USH2A: variants seen among roughly 807,000 people sequenced by gnomAD.
USH2A encodes the protein Usher syndrome 2A (autosomal recessive, mild).
USH2A carries 443 observed loss-of-function variants against 538.9 expected under a neutral mutation model. The observed-to-expected ratio is 0.82, with a 90% CI of 0.76 to 0.89. The LOEUF is 0.89. USH2A is among the 40% of genes least tolerant of loss of function. USH2A has a pLI of 0.00. For synonymous variants in USH2A, 2,413 were observed against 2,273.5 expected, an observed-to-expected ratio of 1.06 and a Z score of -1.75; for missense variants, 6,633 against 6,324.8, an observed-to-expected ratio of 1.05 and a Z score of -1.65.
At chr1:216,111,768 A>C (rs756140429) in intron 21 of USH2A, among the ~76,000 whole-genome samples, 1 of 151,010 alleles carries the variant, frequency 6.6e-6, no homozygotes, top group Non-Finnish European at 1.5e-5. Flanking sequence ...AAATTTTCAC[A>C]TAAAATTAAT....
At position 216,219,010 on chromosome 1, in the gene USH2A, G is replaced by A. The variant is rs12140686; in HGVS notation, c.2994-1460C>T. 4.5e-4 allele frequency among the ~76,000 whole-genome samples: 56 copies of A among 124,262 alleles called. 1 individual carries two copies. In the South Asian group the frequency reaches 0.01, roughly 23 times the overall value. The allele number at this position is 124,262 out of a possible 152,430, so 81.5% of individuals were successfully genotyped here. On this transcript the variant is annotated intron_variant, in intron 14 of 71. Coordinates refer to ENST00000307340, the MANE Select transcript of USH2A (RefSeq NM_206933.4). ...AATGTATGTGTGTGTGTGTGTGTGT[G>A]TATATATGTATGTGTAACTGCACCA...
At chr1:215,639,057 C>A (rs1656590925) in intron 69 of USH2A, 98 bp downstream of exon 69, 17 of 1,152,556 alleles carry the variant, frequency 1.5e-5, no homozygotes. Context: ...ATAGTCTATG[C>A]TAATATATTA....
chr1:216,200,031 C>A lies in USH2A; in HGVS notation c.3407G>T (p.Ser1136Ile). 1 of 1,613,982 alleles carries A rather than the reference C, an allele frequency of 6.2e-7. No individual in the cohort carries two copies. The highest frequency in any genetic ancestry group is 8.5e-7 in the Non-Finnish European group (1 of 1,179,980). Residue 1136 changes from serine (S) to isoleucine (I), a missense_variant, in exon 17 of 72, where the codon AGT (serine) becomes ATT (isoleucine). Ser to Ile is a moderately radical substitution (Grantham distance 142). Coordinates refer to ENST00000307340, the MANE Select transcript of USH2A (RefSeq NM_206933.4). ...TTTTGTCTTGTAAGTGACAGCTACACTCCTTGTTGAACCATGCACATTGGT... is the reference window on the plus strand; with the variant it reads ...TTTTGTCTTGTAAGTGACAGCTACAATCCTTGTTGAACCATGCACATTGGT... The part of the protein sequence containing the change: ...ETTNVHGSTR[S>I]VAVTYKTKPG...
At chr1:216,048,165 A>G (rs1048494147) in intron 31 of USH2A, among the ~76,000 whole-genome samples, 6 of 152,214 alleles carry the variant, frequency 3.9e-5, no homozygotes, top group African/African-American at 1.4e-4. Flanking sequence ...ATACTGTGCC[A>G]TACAATCAAT....
chr1:216,415,313 C>T (rs865827857), intron 3 of USH2A, among the ~76,000 whole-genome samples: 3 of 151,958 alleles, frequency 2.0e-5, no homozygotes, highest in East Asian at 3.9e-4. Context: ...CAGTTTGAGA[C>T]GTCAAGGCGG....
intron 36 of USH2A, among the ~76,000 whole-genome samples, chr1:215,967,527 T>A: frequency 6.6e-6 from 1 of 152,146 alleles, no homozygotes; most frequent in African/African-American, 2.4e-5. Context: ...AAGTTATATT[T>A]AATTTTTTAC....
chr1:216,151,232 T>C (rs1053463392), intron 21 of USH2A, among the ~76,000 whole-genome samples: 1 of 152,070 alleles, frequency 6.6e-6, no homozygotes, highest in African/African-American at 2.4e-5. Context: ...GGAGTCTGGG[T>C]ACAAGACACC....
At chr1:216,150,020 C>T (rs1485610636) in intron 21 of USH2A, among the ~76,000 whole-genome samples, 1 of 152,122 alleles carries the variant, frequency 6.6e-6, no homozygotes, top group Admixed American at 6.5e-5. Flanking sequence ...GAGCCTAATA[C>T]ATCCCTTCAT....
rs1659396222 is a variant in USH2A, at chr1:215,713,434, G to C, written c.12066+14596C>G. 2.0e-5 allele frequency among the ~76,000 whole-genome samples: 3 copies of C among 152,016 alleles called. No homozygotes were observed. The South Asian group carries it at 6.2e-4, about 32-fold the overall frequency. On this transcript the variant is annotated intron_variant, in intron 61 of 71. Coordinates refer to ENST00000307340, the MANE Select transcript of USH2A (RefSeq NM_206933.4). ...CAATAGCTTTGCTAGGCATCTCTTG[G>C]GAGTATTTTGATTTTTTTTTTAAAT...
At chr1:215,677,463 G>C (rs538036253) in intron 62 of USH2A, among the ~76,000 whole-genome samples, 1 of 152,122 alleles carries the variant, frequency 6.6e-6, no homozygotes, top group African/African-American at 2.4e-5. Context: ...GCTTTAATGA[G>C]TTGATGTCCT....
chr1:215,948,061 T>C (rs936886074), intron 37 of USH2A, among the ~76,000 whole-genome samples: 1 of 152,048 alleles, frequency 6.6e-6, no homozygotes, highest in African/African-American at 2.4e-5. Context: ...TAATTGCAAT[T>C]GCTGGGCTTC....
rs193174570 is a variant in USH2A, at chr1:215,716,886, C to T, written c.12066+11144G>A. ...CTGTCAGATTGGTCAGATTTTGTTACTCTTTGGTTGGCTTAATGGCAAGAT... is the reference window on the plus strand; with the variant it reads ...CTGTCAGATTGGTCAGATTTTGTTATTCTTTGGTTGGCTTAATGGCAAGAT... On this transcript the variant is annotated intron_variant, in intron 61 of 71. Transcript: ENST00000307340. Among the ~76,000 whole-genome samples, 7 of 152,250 alleles carry T rather than the reference C, an allele frequency of 4.6e-5. No individual in the cohort carries two copies. In the East Asian group the frequency reaches 1.4e-3, roughly 29 times the overall value.
At chr1:216,392,376 T>C (rs1188039565) in intron 3 of USH2A, among the ~76,000 whole-genome samples, 1 of 150,268 alleles carries the variant, frequency 6.7e-6, no homozygotes, top group Non-Finnish European at 1.5e-5. Flanking sequence ...GGCAGGCGCC[T>C]GTAGTCCCGG....
intron 23 of USH2A, among the ~76,000 whole-genome samples, chr1:216,087,645 A>G (rs1057224440): frequency 6.6e-6 from 1 of 152,162 alleles, no homozygotes; most frequent in African/African-American, 2.4e-5. Flanking sequence ...AAAAACAGGC[A>G]TGAGCTAGAT....
intron 36 of USH2A, 81 bp from the exon 37 acceptor site, chr1:215,965,560 C>G: frequency 6.5e-7 from 1 of 1,529,730 alleles, no homozygotes; most frequent in Non-Finnish European, 8.9e-7. Flanking sequence ...TTCAAAGAAT[C>G]TCTTTTTGCT....
At chr1:216,118,342 A>G (rs757771198) in intron 21 of USH2A, among the ~76,000 whole-genome samples, 1 of 152,166 alleles carries the variant, frequency 6.6e-6, no homozygotes, top group Non-Finnish European at 1.5e-5. Flanking sequence ...CAAAACATAA[A>G]GCTTCTAACT....
intron 21 of USH2A, among the ~76,000 whole-genome samples, chr1:216,133,854 T>C (rs1475104402): frequency 6.6e-6 from 1 of 152,146 alleles, no homozygotes; most frequent in Non-Finnish European, 1.5e-5. Flanking sequence ...AATCAGGAAA[T>C]CTCTTTTCCT....
chr1:215,882,077 C>T (rs1292103011), intron 41 of USH2A, among the ~76,000 whole-genome samples: 1 of 152,150 alleles, frequency 6.6e-6, no homozygotes, highest in African/African-American at 2.4e-5. Flanking sequence ...CTCCATCAAA[C>T]TATTTTGAAG....
At chr1:215,769,207 A>G (rs1661214935) in intron 55 of USH2A, among the ~76,000 whole-genome samples, 1 of 152,206 alleles carries the variant, frequency 6.6e-6, no homozygotes, top group African/African-American at 2.4e-5. Context: ...GCTAAAAGTA[A>G]ACAGATATTT....
Sources: gnomAD v4.1 joint callset for allele counts (sites outside exome capture counted in the v4.1 genomes callset) on GRCh38, gnomAD v4.1.1 for gene constraint, MANE v1.5 for transcripts, NCBI Gene and HGNC (gene_info 2026-07-23, HGNC 2026-07-21) for gene names.